The following RREB1 variants were observed in gnomAD, a reference collection of about 807,000 sequenced individuals.
RREB1 encodes ras-responsive element-binding protein 1.
Under a neutral mutation model 117.8 loss-of-function variants are expected in RREB1, and 27 were observed. The ratio of observed to expected loss-of-function variants is 0.23; its 90% CI spans 0.17 to 0.32. The LOEUF is 0.32. RREB1 is among the 10% of genes least tolerant of loss of function. The pLI, the probability that RREB1 is intolerant of heterozygous loss-of-function variation, is 1.00. For synonymous variants in RREB1, 1,298 were observed against 1,026.7 expected (o/e 1.26, Z -5.05); for missense variants, 2,577 against 2,378.2 (o/e 1.08, Z -1.74).
chr6:7,109,908 A>T (rs1050927342), intron 1 of RREB1, among the ~76,000 whole-genome samples: 9 of 152,190 alleles, frequency 5.9e-5, no homozygotes, highest in Admixed American at 2.6e-4. Context: ...TGGTATGTTG[A>T]AAAACCTGTC....
intron 8 of RREB1, chr6:7,215,183 A>T (rs1371100101): frequency 1.3e-5 from 2 of 152,278 alleles, no homozygotes; most frequent in African/African-American, 4.8e-5. Flanking sequence ...TTGTGTGAGG[A>T]TGTTGCTGGG....
chr6:7,211,179 T>C (rs1018450983), intron 7 of RREB1, among the ~76,000 whole-genome samples: 5 of 152,232 alleles, frequency 3.3e-5, no homozygotes, highest in African/African-American at 1.2e-4. Context: ...TACAATTGTT[T>C]CCATGCTTTC....
rs532116341 is a variant in RREB1 at position 7,120,698 on chromosome 6, G to A, written c.-285+12638G>A. The stretch of plus-strand genomic sequence containing the variant: ...CTATTTTTTTTTTTTTTGAGACAAG[G>A]CCTCGCTCTGTCAACAGGGTGGAGT... On this transcript the variant is annotated intron_variant, in intron 1 of 12. Transcript: ENST00000379938. Among the ~76,000 whole-genome samples the A allele has an allele frequency of 1.8e-4, 27 of 150,916 alleles. No homozygotes were observed. In the East Asian group the frequency reaches 4.9e-3, roughly 27 times the overall value.
At chr6:7,194,108 A>C (rs1422003271) in intron 6 of RREB1, among the ~76,000 whole-genome samples, 1 of 152,150 alleles carries the variant, frequency 6.6e-6, no homozygotes, top group Non-Finnish European at 1.5e-5. Flanking sequence ...ATTTTGACTG[A>C]ATTTTATTAC....
At chr6:7,222,294 T>C (rs1056101427) in intron 8 of RREB1, among the ~76,000 whole-genome samples, 2 of 152,262 alleles carry the variant, frequency 1.3e-5, no homozygotes, top group Non-Finnish European at 2.9e-5. Flanking sequence ...TGGGGTGATC[T>C]AGGAGTCTGC....
intron 1 of RREB1, among the ~76,000 whole-genome samples, chr6:7,152,348 A>G (rs759545109): frequency 3.9e-5 from 6 of 152,194 alleles, no homozygotes; most frequent in Middle Eastern, 3.2e-3. Flanking sequence ...ATAGACCTTC[A>G]CTAATGTTAG....
intron 1 of RREB1, among the ~76,000 whole-genome samples, chr6:7,134,256 T>G (rs973336657): frequency 1.3e-4 from 20 of 152,226 alleles, no homozygotes; most frequent in African/African-American, 4.6e-4. Flanking sequence ...TGATCTGTCT[T>G]ATTACCCCAA....
At chr6:7,205,158 A>T (rs1006885554) in intron 6 of RREB1, among the ~76,000 whole-genome samples, 35 of 152,192 alleles carry the variant, frequency 2.3e-4, no homozygotes, top group African/African-American at 8.4e-4. Context: ...TGGTTCTCAC[A>T]CTTAAGCAGG....
At chr6:7,172,619 G>GC (rs1764271383) in intron 1 of RREB1, among the ~76,000 whole-genome samples, 1 of 151,904 alleles carries the variant, frequency 6.6e-6, no homozygotes, top group African/African-American at 2.4e-5. Flanking sequence ...AGCTCACGGT[G>GC]CCCCATGGTG....
In RREB1 at chr6:7,249,417, T is replaced by G; in HGVS notation, c.*449T>G. The G allele has an allele frequency of 1.9e-5, 3 of 159,198 alleles. No homozygotes were observed. Among genetic ancestry groups the G allele is most frequent in the Non-Finnish European group, 4.1e-5 (3 of 72,638 alleles). 9.9% of individuals were successfully genotyped at this position (159,198 alleles called of 1,614,324 possible). On this transcript the variant is annotated 3_prime_UTR_variant, in exon 13 of 13. Coordinates refer to ENST00000379938, the MANE Select transcript of RREB1 (RefSeq NM_001003699.4). Reference sequence around the variant, plus strand: ...GAAAAAACATACCCTTGGGTACCCATAGCCAATAACTGGAAGAAAATGATG... The same window carrying G: ...GAAAAAACATACCCTTGGGTACCCAGAGCCAATAACTGGAAGAAAATGATG...
intron 1 of RREB1, among the ~76,000 whole-genome samples, chr6:7,174,500 A>G (rs930341137): frequency 6.6e-6 from 1 of 152,168 alleles, no homozygotes; most frequent in African/African-American, 2.4e-5. Context: ...GAAATAAAAT[A>G]AAATGAAATG....
intron 8 of RREB1, among the ~76,000 whole-genome samples, chr6:7,223,075 T>C (rs1453204235): frequency 1.3e-5 from 2 of 151,536 alleles, no homozygotes; most frequent in African/African-American, 4.9e-5. Flanking sequence ...GGCAACATGG[T>C]GACACCATGT....
chr6:7,229,393 G>C lies in RREB1; in HGVS notation c.1294G>C (p.Asp432His), dbSNP rs756715537. 1 of 1,614,102 alleles carries C rather than the reference G, an allele frequency of 6.2e-7. No individual in the cohort carries two copies. Among genetic ancestry groups the C allele is most frequent in the Non-Finnish European group, 8.5e-7 (1 of 1,179,990 alleles). Residue 432 changes from aspartate (D) to histidine (H), a missense_variant, in exon 10 of 13, where the codon GAC becomes CAC. Coordinates refer to ENST00000379938, the MANE Select transcript of RREB1 (RefSeq NM_001003699.4). This position sits in a 1 kb window ranked among gnomAD's most constrained non-coding sequence, Gnocchi z 4.5. ...TCTCACAGTTCTCCCCGCGACCAAG[G>C]ACAGCATAAAGCACCTGTCCCTGCA... ...GSLTVLPATKDSIKHLSLQPF... is the reference protein window; with the variant it reads ...GSLTVLPATKHSIKHLSLQPF...
intron 1 of RREB1, among the ~76,000 whole-genome samples, chr6:7,137,345 G>A (rs1762385799): frequency 6.6e-6 from 1 of 152,238 alleles, no homozygotes; most frequent in Non-Finnish European, 1.5e-5. Context: ...CCAGAAAAGA[G>A]GGTGGAGGGC....
chr6:7,177,362 T>C (rs1017761552), intron 2 of RREB1, among the ~76,000 whole-genome samples: 18 of 151,778 alleles, frequency 1.2e-4, no homozygotes, highest in African/African-American at 3.6e-4. Context: ...TCTCTCTCTT[T>C]TTTTTTTTCC....
intron 6 of RREB1, among the ~76,000 whole-genome samples, chr6:7,193,049 A>G (rs1162347108): frequency 6.6e-6 from 1 of 152,104 alleles, no homozygotes; most frequent in African/African-American, 2.4e-5. Flanking sequence ...CCCATTGGTT[A>G]TTTAGAAATG....
rs141679227 is a variant in RREB1, at chr6:7,230,672, C to T, written c.2573C>T (p.Pro858Leu). 2 of 1,594,424 alleles carry T rather than the reference C, an allele frequency of 1.3e-6. No homozygotes were observed. Among genetic ancestry groups the T allele is most frequent in the Non-Finnish European group, 8.5e-7 (1 of 1,169,796 alleles). ...SGCAALGDCK[P>L]LTAFLEPQNG... ...TGCGCTGCCCTTGGTGACTGCAAGCCCCTCACTGCCTTCCTGGAACCCCAG... is the reference window on the plus strand; with the variant it reads ...TGCGCTGCCCTTGGTGACTGCAAGCTCCTCACTGCCTTCCTGGAACCCCAG... The change falls in exon 10 of 13, where the codon CCC becomes CTC. Residue 858 changes from proline (P) to leucine (L), a missense_variant. Transcript: ENST00000379938.
chr6:7,127,855 A>C (rs1006130810), intron 1 of RREB1, among the ~76,000 whole-genome samples: 3 of 152,068 alleles, frequency 2.0e-5, no homozygotes, highest in Non-Finnish European at 4.4e-5. Flanking sequence ...TCTGCCCCTC[A>C]GATGTTCCTG....
At chr6:7,115,726 A>G (rs140968525) in intron 1 of RREB1, among the ~76,000 whole-genome samples, 6 of 151,932 alleles carry the variant, frequency 3.9e-5, no homozygotes, top group African/African-American at 7.3e-5. Flanking sequence ...TCCCAACTCT[A>G]TATCTCCATT....
Sources: gnomAD v4.1 joint callset for allele counts (sites outside exome capture counted in the v4.1 genomes callset) on GRCh38, gnomAD v4.1.1 for gene constraint, Gnocchi (gnomAD v3.1) non-coding constraint, MANE v1.5 for transcripts, NCBI Gene and HGNC (gene_info 2026-07-23, HGNC 2026-07-21) for gene names.